Variants in DSCAM observed in about 807,000 individuals in gnomAD.
DSCAM encodes DS cell adhesion molecule.
DSCAM carries 47 observed loss-of-function variants against 217.7 expected under a neutral mutation model. The observed-to-expected ratio is 0.22, with a 90% CI of 0.17 to 0.28. The LOEUF is 0.28. DSCAM is among the 10% of genes least tolerant of loss of function. The pLI is 1.00. For synonymous variants in DSCAM, 1,056 were observed against 1,015.3 expected (o/e 1.04, Z -0.76); for missense variants, 2,080 against 2,618.3 (o/e 0.79, Z 4.49).
At chr21:40,619,707 C>G (rs192487317) in intron 3 of DSCAM, among the ~76,000 whole-genome samples, 1 of 151,912 alleles carries the variant, frequency 6.6e-6, no homozygotes, top group Non-Finnish European at 1.5e-5. Context: ...ATTGTAAATA[C>G]GCCGATCGAT....
At chr21:40,174,189 T>C (rs754337579) in intron 15 of DSCAM, among the ~76,000 whole-genome samples, 21 of 152,146 alleles carry the variant, frequency 1.4e-4, no homozygotes, top group Non-Finnish European at 2.9e-4. Context: ...CTAGGGGTGG[T>C]TGGGGAAGCC....
intron 14 of DSCAM, among the ~76,000 whole-genome samples, chr21:40,183,165 C>T (rs954249231): frequency 6.6e-6 from 1 of 151,662 alleles, no homozygotes; most frequent in Non-Finnish European, 1.5e-5. Flanking sequence ...AGATGGCCCC[C>T]ACAGGAACAG....
intron 29 of DSCAM, among the ~76,000 whole-genome samples, chr21:40,053,120 T>C (rs1157952122): frequency 6.6e-6 from 1 of 152,142 alleles, no homozygotes; most frequent in African/African-American, 2.4e-5. Context: ...CAGCTCGACT[T>C]CTGTGCCCAA....
intron 3 of DSCAM, among the ~76,000 whole-genome samples, chr21:40,603,943 T>C (rs957093335): frequency 1.7e-4 from 24 of 139,742 alleles, no homozygotes; most frequent in African/African-American, 5.9e-4. Context: ...TTTTTTTTTT[T>C]TTCTGAGCCT....
intron 11 of DSCAM, among the ~76,000 whole-genome samples, chr21:40,197,933 C>T (rs999756593): frequency 2.0e-5 from 3 of 152,138 alleles, no homozygotes; most frequent in African/African-American, 4.8e-5. Flanking sequence ...CTTATAGTAG[C>T]GGAGGAGGCC....
At chr21:40,472,184 G>C (rs1247369852) in intron 3 of DSCAM, among the ~76,000 whole-genome samples, 1 of 152,172 alleles carries the variant, frequency 6.6e-6, no homozygotes, top group African/African-American at 2.4e-5. Flanking sequence ...GGCAGTTTTA[G>C]TTCATTACAT....
intron 11 of DSCAM, among the ~76,000 whole-genome samples, chr21:40,233,986 C>A (rs2091404349): frequency 6.6e-6 from 1 of 152,174 alleles, no homozygotes; most frequent in African/African-American, 2.4e-5. Flanking sequence ...CCAGTCTGTG[C>A]AAATCTCAGT....
chr21:40,686,443 T>A (rs980638006), intron 3 of DSCAM, among the ~76,000 whole-genome samples: 1 of 151,894 alleles, frequency 6.6e-6, no homozygotes, highest in Admixed American at 6.6e-5. Context: ...CACACACATA[T>A]GTGGACACGC....
intron 3 of DSCAM, among the ~76,000 whole-genome samples, chr21:40,453,929 G>C (rs2075742702): frequency 6.6e-6 from 1 of 152,158 alleles, no homozygotes; most frequent in African/African-American, 2.4e-5. Flanking sequence ...TATGTCCTTG[G>C]CTGGGCCTAT....
chr21:40,812,168 A>G (rs2091845221), intron 1 of DSCAM, among the ~76,000 whole-genome samples: 1 of 152,234 alleles, frequency 6.6e-6, no homozygotes, highest in South Asian at 2.1e-4. Flanking sequence ...ATATAACCAG[A>G]GAAACAGAAT....
intron 15 of DSCAM, 60 bp from the exon 16 acceptor site, chr21:40,167,348 T>C: frequency 1.3e-6 from 2 of 1,505,380 alleles, no homozygotes; most frequent in East Asian, 2.3e-5. Context: ...GATCGAAGCC[T>C]ACACAGCCAA....
At chr21:40,365,674 C>T (rs1205281146) in intron 4 of DSCAM, among the ~76,000 whole-genome samples, 2 of 152,106 alleles carry the variant, frequency 1.3e-5, no homozygotes, top group African/African-American at 2.4e-5. Context: ...CTCATCTTCT[C>T]GGAGTTTCAG....
Position 40,792,081 on chromosome 21 carries a change from G to A in DSCAM, c.43+54538C>T, listed in dbSNP as rs542820952. Among the ~76,000 whole-genome samples the A allele has an allele frequency of 5.3e-5, 8 of 150,670 alleles. No individual in the cohort carries two copies. The South Asian group carries it at 1.3e-3, about 24-fold the overall frequency. ...TATATATGGTCGTCTTCCTCCGCACGTCTTCACATGGCCATCCCTCTTTGT... is the reference window on the plus strand; with the variant it reads ...TATATATGGTCGTCTTCCTCCGCACATCTTCACATGGCCATCCCTCTTTGT... On this transcript the variant is annotated intron_variant, in intron 1 of 32. Transcript: ENST00000400454.
chr21:40,522,037 G>A (rs1197331756), intron 3 of DSCAM, among the ~76,000 whole-genome samples: 1 of 151,994 alleles, frequency 6.6e-6, no homozygotes, highest in Non-Finnish European at 1.5e-5. Flanking sequence ...AGGACAGTTC[G>A]CCACTCCCTC....
At chr21:40,212,966 C>A (rs2146884586) in intron 11 of DSCAM, among the ~76,000 whole-genome samples, 1 of 152,294 alleles carries the variant, frequency 6.6e-6, no homozygotes, top group Middle Eastern at 3.4e-3. Context: ...GTTGAGGAAG[C>A]CTCTGGAGGC....
intron 16 of DSCAM, among the ~76,000 whole-genome samples, chr21:40,146,108 G>T (rs117723714): frequency 0.021 from 3,253 of 152,104 alleles, 68 homozygotes; most frequent in Non-Finnish European, 0.028. Flanking sequence ...GTTTATAATC[G>T]ACCTGCAGAG....
intron 6 of DSCAM, among the ~76,000 whole-genome samples, chr21:40,342,745 CT>C (rs1217476912): frequency 1.8e-3 from 123 of 67,140 alleles, no homozygotes; most frequent in African/African-American, 6.9e-3. Flanking sequence ...CACACCACGC[CT>C]TTTTTTTTTT....
chr21:40,302,185 G>C (rs1158024786), intron 9 of DSCAM, among the ~76,000 whole-genome samples: 1 of 152,108 alleles, frequency 6.6e-6, no homozygotes, highest in African/African-American at 2.4e-5. Flanking sequence ...AATAGATCAT[G>C]ATATGGTTTG....
At chr21:40,198,250 A>G (rs574579108) in intron 11 of DSCAM, among the ~76,000 whole-genome samples, 1 of 152,292 alleles carries the variant, frequency 6.6e-6, no homozygotes, top group East Asian at 1.9e-4. Flanking sequence ...CTAAAATATA[A>G]AGCTTTTTCC....
Sources: gnomAD v4.1 joint callset for allele counts (sites outside exome capture counted in the v4.1 genomes callset) on GRCh38, gnomAD v4.1.1 for gene constraint, MANE v1.5 for transcripts, NCBI Gene and HGNC (gene_info 2026-07-23, HGNC 2026-07-21) for gene names.